The following NMNAT2 variants were observed in gnomAD, a reference collection of about 807,000 sequenced individuals.
NMNAT2 encodes the protein nicotinamide/nicotinic acid mononucleotide adenylyltransferase 2.
Under a neutral mutation model 41.6 loss-of-function variants are expected in NMNAT2, and 11 were observed. That is an observed-to-expected ratio of 0.26 (90% CI 0.17 to 0.44). The LOEUF (loss-of-function observed/expected upper bound fraction) is 0.44, where lower values mean the gene tolerates loss of function less well. Ranked by LOEUF, NMNAT2 falls within the 20% of genes least tolerant of loss-of-function variation. The pLI, the probability that NMNAT2 is intolerant of heterozygous loss-of-function variation, is 1.00. For missense variants in NMNAT2, 288 were observed against 407.7 expected (o/e 0.71, Z 2.53); for synonymous variants, 148 against 151.2 (o/e 0.98, Z 0.16).
rs1557897714 is a variant in NMNAT2 at position 183,389,817 on chromosome 1, AAAGAAAGAAAGAAAGAAAGAAAGAAAGG to A, written c.85+28338_85+28365del. The stretch of plus-strand genomic sequence containing the variant: ...GAAAGAAAGAAAGAAAGAAAGAAAG[AAAGAAAGAAAGAAAGAAAGAAAGAAAGG>A]AAAAAAGAGAAAGAAAGAAAGAAAG... On this transcript the variant is annotated intron_variant, in intron 1 of 10. Coordinates refer to ENST00000287713, the MANE Select transcript of NMNAT2 (RefSeq NM_015039.4). Among the ~76,000 whole-genome samples the A allele has an allele frequency of 2.9e-3, 190 of 64,676 alleles. 20 individuals carry two copies. Among genetic ancestry groups the A allele is most frequent in the African/African-American group, 8.2e-3 (181 of 22,136 alleles). The allele number at this position is 64,676 out of a possible 152,430, so 42.4% of individuals were successfully genotyped here.
At chr1:183,267,835 T>C (rs920156231) in intron 8 of NMNAT2, among the ~76,000 whole-genome samples, 20 of 152,026 alleles carry the variant, frequency 1.3e-4, no homozygotes, top group African/African-American at 4.6e-4. Context: ...ACTGTCCTGA[T>C]TGGTAAATCT....
intron 7 of NMNAT2, chr1:183,283,671 T>C (rs774161473): frequency 3.0e-4 from 117 of 389,866 alleles, no homozygotes; most frequent in Non-Finnish European, 4.4e-4. Flanking sequence ...GTGTGCAGTG[T>C]CTGTGCCCAA....
In NMNAT2 at chr1:183,322,384, T is replaced by G. The variant is rs568336848; in HGVS notation, c.86-28591A>C. ...TATGGGGGCCTCATGCTCTACTTCT[T>G]CATTACCTTGTACTGCACCTGCAGC... On this transcript the variant is annotated intron_variant, in intron 1 of 10. Transcript: ENST00000287713. Among the ~76,000 whole-genome samples, 35 of 152,138 alleles carry G rather than the reference T, an allele frequency of 2.3e-4. 1 individual carries two copies. The highest frequency in any genetic ancestry group is 4.3e-4 in the Non-Finnish European group (29 of 67,998).
intron 1 of NMNAT2, among the ~76,000 whole-genome samples, chr1:183,333,384 T>C (rs528039290): frequency 2.0e-5 from 3 of 152,362 alleles, no homozygotes; most frequent in South Asian, 2.1e-4. Context: ...GAAGGGACTT[T>C]ACAGATGTGA....
Position 183,411,875 on chromosome 1 carries a change from C to T in NMNAT2, c.85+6308G>A, listed in dbSNP as rs527353653. Among the ~76,000 whole-genome samples the T allele has an allele frequency of 3.3e-5, 5 of 152,198 alleles. No individual in the cohort carries two copies. The South Asian group carries it at 6.2e-4, about 19-fold the overall frequency. Reference sequence around the variant, plus strand: ...AATTATGTGATCAGGGGAGTAGGTTCTGCCAAGTGGACAATGAGGAGAAGG... The same window carrying T: ...AATTATGTGATCAGGGGAGTAGGTTTTGCCAAGTGGACAATGAGGAGAAGG... On this transcript the variant is annotated intron_variant, in intron 1 of 10. Coordinates refer to ENST00000287713, the MANE Select transcript of NMNAT2 (RefSeq NM_015039.4).
At chr1:183,320,355 C>T (rs1299144396) in intron 1 of NMNAT2, among the ~76,000 whole-genome samples, 7 of 152,188 alleles carry the variant, frequency 4.6e-5, no homozygotes, top group Non-Finnish European at 8.8e-5. Flanking sequence ...GTAATCCCAG[C>T]ACTTTGGGAG....
intron 1 of NMNAT2, among the ~76,000 whole-genome samples, chr1:183,364,533 A>G (rs566281038): frequency 1.3e-5 from 2 of 152,370 alleles, no homozygotes; most frequent in East Asian, 1.9e-4. Flanking sequence ...AGATTTGTAA[A>G]TGGTTGTTCT....
At chr1:183,352,898 G>T (rs1319578812) in intron 1 of NMNAT2, among the ~76,000 whole-genome samples, 5 of 152,220 alleles carry the variant, frequency 3.3e-5, no homozygotes, top group African/African-American at 1.2e-4. Context: ...GACTGCTGCT[G>T]AGATGAAGTG....
intron 1 of NMNAT2, among the ~76,000 whole-genome samples, chr1:183,389,733 CAAAAAAGAAAGAAAGAAAGA>C: frequency 8.9e-6 from 1 of 112,702 alleles, no homozygotes; most frequent in African/African-American, 3.6e-5. Flanking sequence ...AAGACCCTGT[CAAAAAAGAAAGAAAGAAAGA>C]AAGAAAGAAA....
chr1:183,309,080 C>T (rs796492269), intron 1 of NMNAT2, among the ~76,000 whole-genome samples: 30 of 152,226 alleles, frequency 2.0e-4, no homozygotes, highest in African/African-American at 7.0e-4. Flanking sequence ...TGCAGTGGTG[C>T]GATCACAGCT....
intron 1 of NMNAT2, among the ~76,000 whole-genome samples, chr1:183,362,213 A>G (rs1663321270): frequency 6.6e-6 from 1 of 152,186 alleles, no homozygotes; most frequent in Admixed American, 6.5e-5. Context: ...TGCTAGGATT[A>G]CGGGCATGAG....
intron 1 of NMNAT2, among the ~76,000 whole-genome samples, chr1:183,412,309 C>T (rs7539430): frequency 0.63 from 95,232 of 151,964 alleles, 30,603 homozygotes; most frequent in East Asian, 0.85. Flanking sequence ...CTGCAACCTC[C>T]GCCTCCCGGG....
chr1:183,405,585 T>C (rs1648931396), intron 1 of NMNAT2, among the ~76,000 whole-genome samples: 1 of 152,194 alleles, frequency 6.6e-6, no homozygotes, highest in African/African-American at 2.4e-5. Flanking sequence ...TAGGGAAGCG[T>C]CCACCACATG....
At chr1:183,296,636 A>T (rs1661706870) in intron 1 of NMNAT2, among the ~76,000 whole-genome samples, 1 of 151,700 alleles carries the variant, frequency 6.6e-6, no homozygotes, top group Admixed American at 6.6e-5. Flanking sequence ...CCTCAGCCTC[A>T]TAGGTAGCTG....
intron 1 of NMNAT2, among the ~76,000 whole-genome samples, chr1:183,347,819 C>T (rs979379894): frequency 2.0e-5 from 3 of 152,264 alleles, no homozygotes; most frequent in Admixed American, 6.5e-5. Flanking sequence ...TGTTAGATGG[C>T]CCCTAGTCAT....
chr1:183,364,942 TTTC>T (rs1663385484), intron 1 of NMNAT2, among the ~76,000 whole-genome samples: 1 of 152,078 alleles, frequency 6.6e-6, no homozygotes, highest in Non-Finnish European at 1.5e-5. Context: ...GGGAGGATGA[TTTC>T]TATCTCCCAT....
At chr1:183,267,301 A>C (rs1660841816) in intron 8 of NMNAT2, 1 of 152,180 alleles carries the variant, frequency 6.6e-6, no homozygotes, top group Admixed American at 6.5e-5. Flanking sequence ...GTGACAAATA[A>C]AAAGTATTAT....
Position 183,292,744 on chromosome 1 carries a change from GT to G in NMNAT2, c.242+45del, listed in dbSNP as rs764031828. The G allele has an allele frequency of 7.6e-5, 119 of 1,565,338 alleles. 1 individual carries two copies. In the Middle Eastern group the frequency reaches 8.3e-4, roughly 11 times the overall value. ...TTCTTTTTTCCCCACCCCACTCCCA[GT>G]AAGTCTCCGGGCCACTGCCTCTGGC... On this transcript the variant is annotated intron_variant, in intron 3 of 10. Coordinates refer to ENST00000287713, the MANE Select transcript of NMNAT2 (RefSeq NM_015039.4).
At chr1:183,359,311 AG>A (rs1197440244) in intron 1 of NMNAT2, among the ~76,000 whole-genome samples, 1 of 152,194 alleles carries the variant, frequency 6.6e-6, no homozygotes, top group Non-Finnish European at 1.5e-5. Flanking sequence ...CGCTGCCATT[AG>A]GAACATTTCC....
Sources: gnomAD v4.1 joint callset for allele counts (sites outside exome capture counted in the v4.1 genomes callset) on GRCh38, gnomAD v4.1.1 for gene constraint, MANE v1.5 for transcripts, NCBI Gene and HGNC (gene_info 2026-07-23, HGNC 2026-07-21) for gene names.